The following GRM8 variants were observed in gnomAD, a reference collection of about 807,000 sequenced individuals.
GRM8 encodes metabotropic glutamate receptor 8.
A neutral mutation model predicts 87.2 loss-of-function variants in GRM8; 47 were observed. The ratio of observed to expected loss-of-function variants is 0.54; its 90% confidence interval spans 0.43 to 0.69. The LOEUF (loss-of-function observed/expected upper bound fraction) is 0.69. Among genes scored for constraint, GRM8 ranks in the 30% least tolerant of loss-of-function variants. The pLI, the probability that GRM8 is intolerant of heterozygous loss-of-function variation, is 0.00. For missense variants in GRM8, 1,019 were observed against 1,139.2 expected, an observed-to-expected ratio of 0.89 and a Z score of 1.52; for synonymous variants, 396 against 404.5, an observed-to-expected ratio of 0.98 and a Z score of 0.25.
intron 3 of GRM8, among the ~76,000 whole-genome samples, chr7:126,951,346 G>A (rs1808132897): frequency 6.6e-6 from 1 of 152,050 alleles, no homozygotes; most frequent in African/African-American, 2.4e-5. Flanking sequence ...AGGATGGAGT[G>A]ACAGATACTG....
intron 3 of GRM8, among the ~76,000 whole-genome samples, chr7:126,942,265 G>A (rs984612414): frequency 3.9e-5 from 6 of 152,122 alleles, no homozygotes; most frequent in African/African-American, 1.2e-4. Flanking sequence ...AATACTTGCC[G>A]TGTGGTCCAA....
chr7:126,770,537 T>C (rs1175024503), intron 6 of GRM8, among the ~76,000 whole-genome samples: 1 of 152,060 alleles, frequency 6.6e-6, no homozygotes, highest in Non-Finnish European at 1.5e-5. Flanking sequence ...TTTGTAACTT[T>C]TATATGACAA....
chr7:126,562,491 A>G (rs1025409167), intron 8 of GRM8, among the ~76,000 whole-genome samples: 7 of 152,204 alleles, frequency 4.6e-5, no homozygotes, highest in African/African-American at 1.7e-4. Flanking sequence ...CTAAGTGTTT[A>G]TTGTTGAAGA....
chr7:126,552,561 T>C (rs1422093857), intron 8 of GRM8, among the ~76,000 whole-genome samples: 1 of 152,144 alleles, frequency 6.6e-6, no homozygotes, highest in Non-Finnish European at 1.5e-5. Context: ...ATACTTTCTC[T>C]TCATTGTACA....
rs532334514 is a variant in GRM8 at position 126,830,753 on chromosome 7, C to T, written c.1157-60688G>A. 2.6e-3 allele frequency among the ~76,000 whole-genome samples: 394 copies of T among 152,362 alleles called. 2 individuals carry two copies. Among genetic ancestry groups the T allele is most frequent in the African/African-American group, 8.9e-3 (369 of 41,598 alleles). On this transcript the variant is annotated intron_variant, in intron 6 of 10. Transcript: ENST00000339582. ...TTGTTCTGTTGCTGGTGAGGAACTGCGTTCCTTTGGAGGAGGAGAGGTGCT... is the reference window on the plus strand; with the variant it reads ...TTGTTCTGTTGCTGGTGAGGAACTGTGTTCCTTTGGAGGAGGAGAGGTGCT...
chr7:126,875,952 T>G (rs567002503), intron 6 of GRM8, among the ~76,000 whole-genome samples: 1 of 152,166 alleles, frequency 6.6e-6, no homozygotes, highest in Non-Finnish European at 1.5e-5. Context: ...TCGAATTCAG[T>G]AGTATTCATA....
chr7:126,683,983 A>G (rs191525012), intron 7 of GRM8, among the ~76,000 whole-genome samples: 4 of 152,350 alleles, frequency 2.6e-5, no homozygotes, highest in Admixed American at 2.0e-4. Flanking sequence ...TCCATGAAAG[A>G]GGGATCATGT....
chr7:127,061,735 G>A (rs1820612060), intron 3 of GRM8, among the ~76,000 whole-genome samples: 1 of 152,090 alleles, frequency 6.6e-6, no homozygotes, highest in Non-Finnish European at 1.5e-5. Flanking sequence ...CTTTATTAAT[G>A]TCATCTCAGT....
At chr7:127,198,715 A>G (rs949103180) in intron 2 of GRM8, among the ~76,000 whole-genome samples, 4 of 151,080 alleles carry the variant, frequency 2.6e-5, no homozygotes, top group Non-Finnish European at 5.9e-5. Context: ...GTCACCCAGG[A>G]TAGAGTCTGG....
chr7:126,539,864 G>A (rs1395932023), intron 8 of GRM8, among the ~76,000 whole-genome samples: 1 of 151,806 alleles, frequency 6.6e-6, no homozygotes, highest in Non-Finnish European at 1.5e-5. Flanking sequence ...GAAAACAGGA[G>A]TAAATCTCTG....
chr7:127,021,102 G>T (rs1048558767), intron 3 of GRM8, among the ~76,000 whole-genome samples: 7 of 152,020 alleles, frequency 4.6e-5, no homozygotes, highest in Admixed American at 3.9e-4. Flanking sequence ...ACAGGAGAAA[G>T]CCACTTATGC....
At chr7:126,900,483 TAGCTAGC>T in intron 6 of GRM8, among the ~76,000 whole-genome samples, 1 of 63,080 alleles carries the variant, frequency 1.6e-5, no homozygotes, top group Middle Eastern at 6.9e-3. Context: ...GTTACATCCC[TAGCTAGC>T]TTTTTTGTTT....
At chr7:126,541,629 G>A (rs1417297811) in intron 8 of GRM8, among the ~76,000 whole-genome samples, 1 of 152,216 alleles carries the variant, frequency 6.6e-6, no homozygotes, top group Non-Finnish European at 1.5e-5. Context: ...GGCTGTTGCG[G>A]AATTCCAGAT....
chr7:126,804,625 A>G (rs116067374), intron 6 of GRM8, among the ~76,000 whole-genome samples: 1,712 of 152,314 alleles, frequency 0.011, 35 homozygotes, highest in African/African-American at 0.039. Context: ...GATCCATTCA[A>G]CGAAGACACC....
At chr7:127,073,549 T>G (rs978814986) in intron 3 of GRM8, among the ~76,000 whole-genome samples, 4 of 152,194 alleles carry the variant, frequency 2.6e-5, no homozygotes, top group African/African-American at 9.7e-5. Context: ...CCCAATGGTG[T>G]GGGGACCTTT....
chr7:127,084,560 G>A (rs530495266), intron 3 of GRM8: 3 of 152,172 alleles, frequency 2.0e-5, no homozygotes, highest in African/African-American at 7.2e-5. Flanking sequence ...ACAACATGGG[G>A]GACATGAGGT....
At chr7:126,672,827 C>T (rs2151309981) in intron 7 of GRM8, among the ~76,000 whole-genome samples, 1 of 152,270 alleles carries the variant, frequency 6.6e-6, no homozygotes, top group South Asian at 2.1e-4. Flanking sequence ...TCCAAACACT[C>T]CTGTAACCAG....
At chr7:126,633,081 G>A (rs1257637942) in intron 7 of GRM8, among the ~76,000 whole-genome samples, 1 of 151,786 alleles carries the variant, frequency 6.6e-6, no homozygotes, top group Non-Finnish European at 1.5e-5. Flanking sequence ...AAATATGGAA[G>A]ACCTGGAAGA....
intron 7 of GRM8, among the ~76,000 whole-genome samples, chr7:126,645,435 C>T (rs756911229): frequency 1.2e-4 from 19 of 152,202 alleles, no homozygotes; most frequent in African/African-American, 3.9e-4. Context: ...TTCCACACCC[C>T]TATGATTTTA....
Sources: allele counts gnomAD v4.1 joint callset (sites outside exome capture counted in the v4.1 genomes callset), GRCh38; gene constraint gnomAD v4.1.1; transcripts MANE v1.5; gene names NCBI Gene and HGNC (gene_info 2026-07-23, HGNC 2026-07-21).